Variants in GRAMD1C observed in about 807,000 individuals in gnomAD.
GRAMD1C encodes the protein protein Aster-C.
A neutral mutation model predicts 97.8 loss-of-function variants in GRAMD1C; 89 were observed. The observed-to-expected ratio is 0.91, with a 90% CI of 0.77 to 1.09. GRAMD1C has a LOEUF of 1.09. GRAMD1C is among the 50% of genes least tolerant of loss of function. GRAMD1C has a pLI of 0.00. For missense variants in GRAMD1C, 740 were observed against 766.4 expected, an observed-to-expected ratio of 0.97 and a Z score of 0.41; for synonymous variants, 256 against 267.0, an observed-to-expected ratio of 0.96 and a Z score of 0.40.
At chr3:113,871,545 G>C (rs1461556754) in intron 3 of GRAMD1C, among the ~76,000 whole-genome samples, 6 of 151,692 alleles carry the variant, frequency 4.0e-5, no homozygotes, top group Non-Finnish European at 8.8e-5. Flanking sequence ...ATGAGGTCAG[G>C]AGATCCTGGT....
chr3:113,891,203 C>A (rs1221649161), intron 6 of GRAMD1C, among the ~76,000 whole-genome samples: 2 of 152,140 alleles, frequency 1.3e-5, no homozygotes, highest in African/African-American at 2.4e-5. Context: ...TATGTGTAAA[C>A]TACTGTACAG....
chr3:113,863,159 T>A (rs1456085219), intron 2 of GRAMD1C, among the ~76,000 whole-genome samples: 3 of 152,218 alleles, frequency 2.0e-5, no homozygotes, highest in Non-Finnish European at 4.4e-5. Context: ...TTATTCATAA[T>A]AAGCAAAAAG....
chr3:113,940,448 A>C, intron 17 of GRAMD1C, 103 bp downstream of exon 17: 1 of 677,134 alleles, frequency 1.5e-6, no homozygotes, highest in Non-Finnish European at 2.6e-6. Context: ...CGTTTGAAAA[A>C]ATCCCCCTGC....
intron 1 of GRAMD1C, among the ~76,000 whole-genome samples, chr3:113,829,816 T>C (rs1008477296): frequency 4.6e-5 from 7 of 152,142 alleles, no homozygotes; most frequent in Non-Finnish European, 1.0e-4. Flanking sequence ...CATCCTAGAA[T>C]GTACTTAAAG....
intron 9 of GRAMD1C, 37 bp downstream of exon 9, chr3:113,909,157 T>C: frequency 1.9e-6 from 2 of 1,053,870 alleles, no homozygotes; most frequent in South Asian, 3.5e-5. Flanking sequence ...AAATTTCAGT[T>C]ATGTCTTTTT....
At chr3:113,857,619 T>A (rs770802536) in intron 2 of GRAMD1C, among the ~76,000 whole-genome samples, 5 of 151,974 alleles carry the variant, frequency 3.3e-5, no homozygotes, top group Non-Finnish European at 7.4e-5. Flanking sequence ...CTCGTGATCC[T>A]CCCACCTTGG....
intron 2 of GRAMD1C, among the ~76,000 whole-genome samples, chr3:113,861,005 G>A (rs1035010417): frequency 2.0e-5 from 3 of 151,262 alleles, no homozygotes; most frequent in Admixed American, 6.6e-5. Context: ...AAATAGACTT[G>A]TGTGTTAAGG....
At position 113,844,617 on chromosome 3, in the gene GRAMD1C, T is replaced by G. The variant is rs760520551; in HGVS notation, c.142T>G (p.Leu48Val). ...GGTAGTTAAAAAACAGGGGCCAAAT[T>G]TACATAATTGGAGTGGTGACTGGAG... ...NVVVKKQGPN[L>V]HNWSGDWSFW... Residue 48 changes from leucine to valine, a missense_variant, in exon 2 of 18, where the codon TTA becomes GTA. Coordinates refer to ENST00000358160, the MANE Select transcript of GRAMD1C (RefSeq NM_017577.5). 1 of 1,604,394 alleles carries G rather than the reference T, an allele frequency of 6.2e-7. No homozygotes were observed. Among genetic ancestry groups the G allele is most frequent in the Non-Finnish European group, 8.5e-7 (1 of 1,174,906 alleles).
At chr3:113,911,886 C>T (rs1336904532) in intron 9 of GRAMD1C, among the ~76,000 whole-genome samples, 31 of 152,034 alleles carry the variant, frequency 2.0e-4, no homozygotes, top group Non-Finnish European at 5.9e-5. Context: ...CACCACCATG[C>T]CCAGCTAATT....
intron 1 of GRAMD1C, among the ~76,000 whole-genome samples, chr3:113,839,643 C>G (rs1559772064): frequency 1.3e-5 from 2 of 152,152 alleles, no homozygotes; most frequent in Non-Finnish European, 2.9e-5. Context: ...AAAAACATTA[C>G]TATGAAATAG....
intron 1 of GRAMD1C, among the ~76,000 whole-genome samples, chr3:113,833,695 G>A (rs1294217789): frequency 6.6e-6 from 1 of 152,052 alleles, no homozygotes; most frequent in Admixed American, 6.5e-5. Flanking sequence ...ATGGTACCAG[G>A]GTAAGTTAAA....
intron 2 of GRAMD1C, among the ~76,000 whole-genome samples, chr3:113,869,059 C>T (rs2107368564): frequency 6.6e-6 from 1 of 152,194 alleles, no homozygotes; most frequent in African/African-American, 2.4e-5. Context: ...GTCAAGATAG[C>T]TGCCAGTTTT....
chr3:113,937,571 C>G (rs1482289533), intron 14 of GRAMD1C, among the ~76,000 whole-genome samples: 1 of 152,100 alleles, frequency 6.6e-6, no homozygotes, highest in African/African-American at 2.4e-5. Flanking sequence ...TGAAAGTTTT[C>G]TCTTTGTAGA....
chr3:113,899,470 GT>G (rs148639300), intron 6 of GRAMD1C, among the ~76,000 whole-genome samples: 2,188 of 152,082 alleles, frequency 0.014, 21 homozygotes, highest in Non-Finnish European at 0.021. Context: ...ATTAAAAGTT[GT>G]TTGAGGGCCA....
chr3:113,876,022 C>G (rs1308225108), intron 4 of GRAMD1C, 143 bp from the exon 5 acceptor site: 1 of 590,432 alleles, frequency 1.7e-6, no homozygotes, highest in Non-Finnish European at 3.0e-6. Context: ...CAAGCGTGTA[C>G]TTATTAACTC....
intron 2 of GRAMD1C, among the ~76,000 whole-genome samples, chr3:113,856,608 C>T (rs768900652): frequency 3.3e-5 from 5 of 152,198 alleles, no homozygotes; most frequent in Non-Finnish European, 4.4e-5. Flanking sequence ...GGTGCGATCT[C>T]AGCTCACTGC....
chr3:113,935,230 C>CTCA (rs1338939773), intron 13 of GRAMD1C, among the ~76,000 whole-genome samples: 1 of 152,104 alleles, frequency 6.6e-6, no homozygotes, highest in Non-Finnish European at 1.5e-5. Flanking sequence ...GTTAAGAGCT[C>CTCA]TCATACCCCT....
intron 9 of GRAMD1C, among the ~76,000 whole-genome samples, chr3:113,911,121 T>C (rs55844438): frequency 1.3e-5 from 2 of 150,708 alleles, no homozygotes; most frequent in African/African-American, 4.9e-5. Flanking sequence ...ATGCTCATGG[T>C]TAGAGGAGCA....
chr3:113,908,737 A>G (rs1434739551), intron 8 of GRAMD1C, among the ~76,000 whole-genome samples: 3 of 152,120 alleles, frequency 2.0e-5, no homozygotes, highest in Non-Finnish European at 4.4e-5. Context: ...AAACTTGTTT[A>G]TTATTGTGTA....
Sources: allele counts gnomAD v4.1 joint callset (sites outside exome capture counted in the v4.1 genomes callset), GRCh38; gene constraint gnomAD v4.1.1; transcripts MANE v1.5; gene names NCBI Gene and HGNC (gene_info 2026-07-23, HGNC 2026-07-21).